The following RBFOX1 variants were observed in gnomAD, a reference collection of about 807,000 sequenced individuals.
The protein encoded by RBFOX1 is RNA binding fox-1 homolog 1, also known as RNA binding protein fox-1 homolog 1.
Under a neutral mutation model 57.7 loss-of-function variants are expected in RBFOX1, and 8 were observed. That is an observed-to-expected ratio of 0.14 (90% confidence interval 0.08 to 0.25). The LOEUF (loss-of-function observed/expected upper bound fraction) is 0.25. Among genes scored for constraint, RBFOX1 ranks in the 10% least tolerant of loss-of-function variants. The pLI is 1.00. For synonymous variants in RBFOX1, 326 were observed against 222.4 expected (o/e 1.47, Z -4.15); for missense variants, 611 against 548.5 (o/e 1.11, Z -1.14).
At chr16:6,899,665 C>T (rs1033781037) in intron 3 of RBFOX1, among the ~76,000 whole-genome samples, 1 of 152,234 alleles carries the variant, frequency 6.6e-6, no homozygotes, top group Non-Finnish European at 1.5e-5. Flanking sequence ...CCTCCTCAAG[C>T]AAGTGTCAAT....
chr16:7,523,573 C>G (rs1449896443), intron 5 of RBFOX1, among the ~76,000 whole-genome samples: 2 of 152,156 alleles, frequency 1.3e-5, no homozygotes, highest in Non-Finnish European at 2.9e-5. Context: ...TCTACTCTGT[C>G]TTCTCCAGCA....
intron 4 of RBFOX1, among the ~76,000 whole-genome samples, chr16:7,227,272 C>G (rs1474590293): frequency 7.8e-6 from 1 of 128,908 alleles, no homozygotes; most frequent in Non-Finnish European, 1.8e-5. Context: ...CTGTCACATA[C>G]CACACACACC....
At position 7,227,335 on chromosome 16, in the gene RBFOX1, G is replaced by A. The variant is rs563374432; in HGVS notation, c.27+175237G>A. 2.3e-5 allele frequency among the ~76,000 whole-genome samples: 3 copies of A among 131,396 alleles called. No homozygotes were observed. The South Asian group carries it at 7.6e-4, about 33-fold the overall frequency. The allele number at this position is 131,396 out of a possible 152,430, so 86.2% of individuals were successfully genotyped here. A position where few individuals can be genotyped will look rare whatever the true frequency, so the allele number is the denominator to read the frequency against. ...CAAGGGAGGAATTTGCGTTTGCTTTGCTCTTTTCTTTCCCTGCCCCCTCTC... is the reference window on the plus strand; with the variant it reads ...CAAGGGAGGAATTTGCGTTTGCTTTACTCTTTTCTTTCCCTGCCCCCTCTC... On this transcript the variant is annotated intron_variant, in intron 4 of 15. Transcript: ENST00000550418.
At chr16:7,596,592 A>G (rs990952662) in intron 8 of RBFOX1, among the ~76,000 whole-genome samples, 10 of 152,026 alleles carry the variant, frequency 6.6e-5, no homozygotes, top group African/African-American at 1.9e-4. Flanking sequence ...ATACATATAT[A>G]TATATACCAC....
At chr16:7,546,088 G>C (rs941461606) in intron 5 of RBFOX1, among the ~76,000 whole-genome samples, 2 of 151,370 alleles carry the variant, frequency 1.3e-5, no homozygotes, top group Admixed American at 6.6e-5. Context: ...GCACTTTGGG[G>C]GACAGAGGCA....
chr16:7,367,442 G>C (rs1028614798), intron 4 of RBFOX1, among the ~76,000 whole-genome samples: 2 of 152,160 alleles, frequency 1.3e-5, no homozygotes, highest in Admixed American at 6.5e-5. Context: ...GCACATGTTT[G>C]ATTTGCACTC....
chr16:7,327,284 A>T (rs1446500409), intron 4 of RBFOX1, among the ~76,000 whole-genome samples: 1 of 152,232 alleles, frequency 6.6e-6, no homozygotes, highest in African/African-American at 2.4e-5. Context: ...TATTTGGCAA[A>T]GATAATTTGC....
chr16:6,189,541 G>T (rs1270500674), intron 1 of RBFOX1, among the ~76,000 whole-genome samples: 1 of 152,162 alleles, frequency 6.6e-6, no homozygotes, highest in Non-Finnish European at 1.5e-5. Context: ...CTTAGGTGCG[G>T]GAGCACTCAA....
At chr16:6,599,943 A>G in intron 2 of RBFOX1, among the ~76,000 whole-genome samples, 1 of 152,198 alleles carries the variant, frequency 6.6e-6, no homozygotes, top group Non-Finnish European at 1.5e-5. Context: ...TCAACAAAGC[A>G]TTGAACGCAG....
intron 4 of RBFOX1, among the ~76,000 whole-genome samples, chr16:5,881,022 C>G (rs1247871770): frequency 6.6e-6 from 1 of 152,164 alleles, no homozygotes; most frequent in African/African-American, 2.4e-5. Flanking sequence ...GTCACAGGTA[C>G]TTGTAATACT....
At chr16:6,735,664 C>T (rs1204557621) in intron 3 of RBFOX1, among the ~76,000 whole-genome samples, 2 of 152,174 alleles carry the variant, frequency 1.3e-5, no homozygotes, top group Non-Finnish European at 2.9e-5. Context: ...GGTAACAATG[C>T]TGAGACTCTC....
chr16:6,828,509 C>A (rs114161316), intron 3 of RBFOX1, among the ~76,000 whole-genome samples: 2 of 150,728 alleles, frequency 1.3e-5, no homozygotes, highest in African/African-American at 4.9e-5. Context: ...GGCAACAGAG[C>A]GAGACGTGTC....
intron 2 of RBFOX1, among the ~76,000 whole-genome samples, chr16:5,556,778 C>T (rs2045694495): frequency 6.6e-6 from 1 of 152,212 alleles, no homozygotes; most frequent in South Asian, 2.1e-4. Flanking sequence ...GAAAACAAAA[C>T]AAAACACTGT....
intron 1 of RBFOX1, among the ~76,000 whole-genome samples, chr16:5,314,904 A>T (rs2064192788): frequency 1.3e-5 from 2 of 152,152 alleles, no homozygotes; most frequent in Admixed American, 6.5e-5. Context: ...ATAACAACAC[A>T]GACAAAAAAT....
chr16:5,465,823 G>C (rs1400922499), intron 1 of RBFOX1, among the ~76,000 whole-genome samples: 1 of 152,208 alleles, frequency 6.6e-6, no homozygotes, highest in Non-Finnish European at 1.5e-5. Context: ...GTGGAGTCCC[G>C]TGGACTGCAA....
At position 7,531,955 on chromosome 16, in the gene RBFOX1, AT is replaced by A. The variant is rs2080203475; in HGVS notation, c.270+13567del. Among the ~76,000 whole-genome samples, 4 of 152,206 alleles carry A rather than the reference AT, an allele frequency of 2.6e-5. 1 individual carries two copies. Among genetic ancestry groups the A allele is most frequent in the African/African-American group, 9.6e-5 (4 of 41,520 alleles). On this transcript the variant is annotated intron_variant, in intron 5 of 15. Transcript: ENST00000550418. ...GCCCCATAGAGTGAAAGAGGCCTTC[AT>A]ACCATTTGGCAAGCTCACAAGAGGA...
At chr16:6,137,146 T>A (rs1362292004) in intron 1 of RBFOX1, among the ~76,000 whole-genome samples, 1 of 152,212 alleles carries the variant, frequency 6.6e-6, no homozygotes, top group Non-Finnish European at 1.5e-5. Flanking sequence ...CTGTTAAAGC[T>A]TCCACAGTTG....
intron 4 of RBFOX1, among the ~76,000 whole-genome samples, chr16:7,137,351 A>G (rs1053445218): frequency 1.3e-5 from 2 of 152,006 alleles, no homozygotes; most frequent in African/African-American, 4.8e-5. Context: ...TGTGGGAGGG[A>G]ACTGGTGGGA....
At chr16:6,287,385 C>A (rs910089778) in intron 1 of RBFOX1, among the ~76,000 whole-genome samples, 1 of 152,052 alleles carries the variant, frequency 6.6e-6, no homozygotes, top group Non-Finnish European at 1.5e-5. Flanking sequence ...GCTAAGAATC[C>A]TGTATTATCA....
Sources: gnomAD v4.1 joint callset for allele counts (sites outside exome capture counted in the v4.1 genomes callset) on GRCh38, gnomAD v4.1.1 for gene constraint, MANE v1.5 for transcripts, NCBI Gene and HGNC (gene_info 2026-07-23, HGNC 2026-07-21) for gene names.